NARS1: variants seen among roughly 807,000 people sequenced by gnomAD.
NARS1 encodes the protein asparagine--tRNA ligase, cytoplasmic.
In NARS1, 65 loss-of-function variants were observed where a neutral mutation model predicts 79.2. The ratio of observed to expected loss-of-function variants is 0.82; its 90% CI spans 0.67 to 1.01. The LOEUF (loss-of-function observed/expected upper bound fraction) is 1.01. Among genes scored for constraint, NARS1 ranks in the 50% least tolerant of loss-of-function variants. The pLI is 0.00. For synonymous variants in NARS1, 229 were observed against 238.8 expected (o/e 0.96, Z 0.38); for missense variants, 649 against 673.8 (o/e 0.96, Z 0.41).
intron 6 of NARS1, among the ~76,000 whole-genome samples, chr18:57,611,394 G>A (rs1053780636): frequency 6.6e-6 from 1 of 152,092 alleles, no homozygotes; most frequent in Non-Finnish European, 1.5e-5. Flanking sequence ...GGCATTTGAT[G>A]ATTTTTTATA....
At chr18:57,607,947 A>C (rs553080290) in intron 7 of NARS1, among the ~76,000 whole-genome samples, 53 of 150,522 alleles carry the variant, frequency 3.5e-4, no homozygotes, top group African/African-American at 9.8e-4. Flanking sequence ...GGCTCACAGC[A>C]ACCTCCGCCT....
In NARS1 at chr18:57,606,653, T is replaced by A; in HGVS notation, c.1100A>T (p.Lys367Met). The A allele has an allele frequency of 1.9e-6, 3 of 1,614,128 alleles. No homozygotes were observed. Among genetic ancestry groups the A allele is most frequent in the Non-Finnish European group, 2.5e-6 (3 of 1,179,994 alleles). ...LVCDVVDRIL[K>M]SPAGSIVHEL... ...ATGCACTATGCTCCCTGCAGGTGAC[T>A]TCAATATTCGATCTACCACATCACA... Residue 367 changes from lysine (K) to methionine (M), a missense_variant, in exon 10 of 14, where the codon AAG becomes ATG. Physicochemically the swap from Lys to Met is moderately conservative, Grantham distance 95 (BLOSUM62 -1). Transcript: ENST00000256854.
chr18:57,613,406 T>C lies in NARS1; in HGVS notation c.421+196A>G, dbSNP rs754654906. Reference sequence around the variant, plus strand: ...TACTCAGGAGGCTGAGGCAGGAGAATTGCTTGAACCTGAGAGGCGGAGGTT... The same window carrying C: ...TACTCAGGAGGCTGAGGCAGGAGAACTGCTTGAACCTGAGAGGCGGAGGTT... On this transcript the variant is annotated intron_variant, in intron 5 of 13. Coordinates refer to ENST00000256854, the MANE Select transcript of NARS1 (RefSeq NM_004539.4). Among the ~76,000 whole-genome samples the C allele has an allele frequency of 2.5e-4, 38 of 152,106 alleles. No homozygotes were observed. In the Middle Eastern group the frequency reaches 0.01, roughly 41 times the overall value.
chr18:57,606,835 T>C, intron 9 of NARS1, 84 bp from the exon 10 acceptor site: 2 of 1,555,414 alleles, frequency 1.3e-6, no homozygotes, highest in Non-Finnish European at 1.7e-6. Context: ...TGGGAAGCTG[T>C]CCATAAAATG....
intron 2 of NARS1, among the ~76,000 whole-genome samples, chr18:57,617,572 CAAA>C (rs59412339): frequency 9.3e-4 from 62 of 66,598 alleles, no homozygotes; most frequent in Admixed American, 7.5e-4. Flanking sequence ...GACTCCGTCT[CAAA>C]AAAAAAAAAA....
chr18:57,615,689 T>C lies in NARS1; in HGVS notation c.294A>G (p.Ala98=). 2 of 1,613,322 alleles carry C rather than the reference T, an allele frequency of 1.2e-6. No individual in the cohort carries two copies. The change falls in exon 4 of 14, where the codon GCA becomes GCG. Residue 98 remains alanine, a synonymous_variant. Coordinates refer to ENST00000256854, the MANE Select transcript of NARS1 (RefSeq NM_004539.4). Reference sequence around the variant, plus strand: ...GATCATTTTTAATGGTAATCTTCTTTGCTTCTTCCAGGTTCTTTTCTCTTC... The same window carrying C: ...GATCATTTTTAATGGTAATCTTCTTCGCTTCTTCCAGGTTCTTTTCTCTTC... ...SLRREKNLEE[A]KKITIKNDPS... is the part of the protein sequence containing the mutation.
intron 5 of NARS1, 76 bp downstream of exon 5, chr18:57,613,526 A>G: frequency 7.5e-7 from 1 of 1,334,158 alleles, no homozygotes; most frequent in African/African-American, 1.5e-5. Flanking sequence ...AACCCCTGCA[A>G]ATCTTTGTAT....
At chr18:57,605,701 A>G (rs2051549286) in intron 11 of NARS1, among the ~76,000 whole-genome samples, 156 bp downstream of exon 11, 1 of 152,152 alleles carries the variant, frequency 6.6e-6, no homozygotes, top group Non-Finnish European at 1.5e-5. Flanking sequence ...GACTCTGTTA[A>G]CTCAGCGAAT....
intron 2 of NARS1, among the ~76,000 whole-genome samples, chr18:57,620,221 C>T (rs1335107403): frequency 6.6e-6 from 1 of 152,102 alleles, no homozygotes; most frequent in Non-Finnish European, 1.5e-5. Flanking sequence ...CAAAAGCCCT[C>T]TCAGGAGCCC....
Position 57,607,238 on chromosome 18 carries a change from G to T in NARS1, c.897C>A (p.Ser299=). The T allele has an allele frequency of 1.2e-6, 2 of 1,614,066 alleles. No individual in the cohort carries two copies. Among genetic ancestry groups the T allele is most frequent in the South Asian group, 2.2e-5 (2 of 91,064 alleles). Residue 299 remains serine (S), a synonymous_variant, in exon 9 of 14, where the codon TCC becomes TCA. Coordinates refer to ENST00000256854, the MANE Select transcript of NARS1 (RefSeq NM_004539.4). ...GGCAGGTCTCCAAGTACAACTGAGA[G>T]GATTGAGTCAAAAATGCCTCTTCCC... ...YFGEEAFLTQ[S]SQLYLETCLP...
rs1041636938 is a variant in NARS1 at position 57,615,919 on chromosome 18, T to G, written c.150A>C (p.Lys50Asn). 6.2e-7 allele frequency: 1 copy of G among 1,613,394 alleles called. No individual in the cohort carries two copies. Among genetic ancestry groups the G allele is most frequent in the Admixed American group, 1.7e-5 (1 of 59,864 alleles). The change falls in exon 3 of 14, where the codon AAA (lysine) becomes AAC (asparagine). Residue 50 changes from lysine (K) to asparagine (N), a missense_variant. Physicochemically the swap from Lys to Asn is moderately conservative, Grantham distance 94. Coordinates refer to ENST00000256854, the MANE Select transcript of NARS1 (RefSeq NM_004539.4). ...PFPTIYVDSQKENERWNVISK... is the reference protein window; with the variant it reads ...PFPTIYVDSQNENERWNVISK... The stretch of plus-strand genomic sequence containing the variant: ...AAATAACATTCCACCTCTCATTTTC[T>G]TTTTGTGAATCTACGTAAATGGTAG...
intron 6 of NARS1, among the ~76,000 whole-genome samples, chr18:57,610,289 T>C (rs1281960015): frequency 1.3e-5 from 2 of 152,056 alleles, no homozygotes; most frequent in African/African-American, 2.4e-5. Context: ...CTGGCCAACA[T>C]GGCAAAAACC....
chr18:57,610,202 C>T (rs995544537), intron 6 of NARS1, among the ~76,000 whole-genome samples: 2 of 152,086 alleles, frequency 1.3e-5, no homozygotes, highest in African/African-American at 4.8e-5. Context: ...CCGGGCACGG[C>T]GGCTCACACC....
intron 4 of NARS1, among the ~76,000 whole-genome samples, chr18:57,615,259 T>C (rs1289081464): frequency 1.3e-5 from 2 of 151,924 alleles, no homozygotes; most frequent in African/African-American, 4.8e-5. Flanking sequence ...TCCCAGCACT[T>C]TGGGAGGTCG....
chr18:57,601,897 C>T (rs1347408926), intron 13 of NARS1, 114 bp from the exon 14 acceptor site: 7 of 1,085,152 alleles, frequency 6.5e-6, no homozygotes, highest in Non-Finnish European at 8.1e-6. Context: ...GTTAAGAATT[C>T]AACTATGGCC....
chr18:57,610,319 A>T (rs977206351), intron 6 of NARS1, among the ~76,000 whole-genome samples: 1 of 152,082 alleles, frequency 6.6e-6, no homozygotes, highest in Non-Finnish European at 1.5e-5. Flanking sequence ...TAAAAATACA[A>T]AAGTTAGCTG....
intron 9 of NARS1, 83 bp from the exon 10 acceptor site, chr18:57,606,834 G>C: frequency 6.4e-7 from 1 of 1,558,940 alleles, no homozygotes; most frequent in Non-Finnish European, 8.7e-7. Flanking sequence ...TTGGGAAGCT[G>C]TCCATAAAAT....
At chr18:57,611,973 T>G (rs2051608148) in intron 5 of NARS1, among the ~76,000 whole-genome samples, 1 of 151,342 alleles carries the variant, frequency 6.6e-6, no homozygotes, top group South Asian at 2.1e-4. Flanking sequence ...CCCAGACTGG[T>G]CTCAAGCTCC....
intron 2 of NARS1, among the ~76,000 whole-genome samples, chr18:57,618,466 C>T (rs934539310): frequency 6.6e-6 from 1 of 152,228 alleles, no homozygotes; most frequent in African/African-American, 2.4e-5. Flanking sequence ...CAGAATGCTA[C>T]ACTTTTGTTA....
Sources: gnomAD v4.1 joint callset for allele counts (sites outside exome capture counted in the v4.1 genomes callset) on GRCh38, gnomAD v4.1.1 for gene constraint, MANE v1.5 for transcripts, NCBI Gene and HGNC (gene_info 2026-07-23, HGNC 2026-07-21) for gene names.